Variants in SEMA6D observed in about 807,000 individuals in gnomAD.
SEMA6D encodes the protein semaphorin 6D, also known as semaphorin-6D.
A neutral mutation model predicts 106.6 loss-of-function variants in SEMA6D; 35 were observed. The ratio of observed to expected loss-of-function variants is 0.33; its 90% CI spans 0.25 to 0.44. The LOEUF is 0.44. Ranked by LOEUF, SEMA6D falls within the 20% of genes least tolerant of loss-of-function variation. The pLI is 1.00. For synonymous variants in SEMA6D, 499 were observed against 487.7 expected, an observed-to-expected ratio of 1.02 and a Z score of -0.31; for missense variants, 1,185 against 1,345.9, an observed-to-expected ratio of 0.88 and a Z score of 1.87.
At chr15:47,489,528 A>C (rs79114570) in intron 3 of SEMA6D, among the ~76,000 whole-genome samples, 1 of 152,114 alleles carries the variant, frequency 6.6e-6, no homozygotes, top group South Asian at 2.1e-4. Flanking sequence ...AAAAATCCCT[A>C]TGCGTTTGTC....
intron 1 of SEMA6D, among the ~76,000 whole-genome samples, chr15:47,333,947 C>A (rs1403963069): frequency 6.6e-6 from 1 of 152,178 alleles, no homozygotes; most frequent in Non-Finnish European, 1.5e-5. Flanking sequence ...GGTCAAAAAA[C>A]CCTCATTCCA....
At chr15:47,250,508 T>G (rs2033459317) in intron 1 of SEMA6D, among the ~76,000 whole-genome samples, 1 of 152,162 alleles carries the variant, frequency 6.6e-6, no homozygotes, top group Admixed American at 6.5e-5. Flanking sequence ...CACCTTTGAT[T>G]GCTATTGTGG....
intron 3 of SEMA6D, among the ~76,000 whole-genome samples, chr15:47,490,679 C>T (rs1447538389): frequency 6.6e-6 from 1 of 152,040 alleles, no homozygotes; most frequent in East Asian, 1.9e-4. Context: ...AAGCTACAAA[C>T]TAGCGCAGCA....
At chr15:47,388,890 A>G (rs1017953322) in intron 1 of SEMA6D, among the ~76,000 whole-genome samples, 4 of 152,224 alleles carry the variant, frequency 2.6e-5, no homozygotes, top group African/African-American at 4.8e-5. Context: ...TTAATCAGTT[A>G]TAAAATCTTA....
chr15:47,746,984 GTATA>G (rs3985864), intron 1 of SEMA6D, among the ~76,000 whole-genome samples: 3 of 122,106 alleles, frequency 2.5e-5, no homozygotes, highest in South Asian at 2.8e-4. Flanking sequence ...GTGTGTGTGT[GTATA>G]TATATATATA....
chr15:47,552,468 ATGTGTG>A (rs141932315), intron 3 of SEMA6D, among the ~76,000 whole-genome samples: 18 of 145,584 alleles, frequency 1.2e-4, no homozygotes, highest in African/African-American at 4.5e-4. Context: ...ATGGCAATGT[ATGTGTG>A]TGTGTGTGTG....
intron 1 of SEMA6D, among the ~76,000 whole-genome samples, chr15:47,196,743 T>C (rs1353910328): frequency 6.6e-6 from 1 of 152,172 alleles, no homozygotes; most frequent in Non-Finnish European, 1.5e-5. Flanking sequence ...GTAAGATGAT[T>C]GGAAATTTCT....
At chr15:47,411,487 CT>C in intron 1 of SEMA6D, among the ~76,000 whole-genome samples, 1 of 152,290 alleles carries the variant, frequency 6.6e-6, no homozygotes, top group East Asian at 1.9e-4. Flanking sequence ...CAAAAAAATA[CT>C]TTAGCAGATG....
At chr15:47,587,715 T>A (rs1438715901) in intron 3 of SEMA6D, among the ~76,000 whole-genome samples, 1 of 152,196 alleles carries the variant, frequency 6.6e-6, no homozygotes, top group Non-Finnish European at 1.5e-5. Flanking sequence ...CCAGTAAAAC[T>A]TTATTTATAA....
rs1381286452 is a variant in SEMA6D, at chr15:47,277,613, T to TTTA, written c.-239+93209_-239+93211dup. On this transcript the variant is annotated intron_variant, in intron 1 of 19. Coordinates refer to the SEMA6D transcript ENST00000558014. The stretch of plus-strand genomic sequence containing the variant: ...ATTATTATTATTATTATTATTATTA[T>TTTA]TTATTATTATTATTATACTTTAAGT... 6.2e-4 allele frequency among the ~76,000 whole-genome samples: 80 copies of TTTA among 129,618 alleles called. No individual in the cohort carries two copies. The East Asian group carries it at 0.012, about 19-fold the overall frequency. The allele number at this position is 129,618 out of a possible 152,430, so 85.0% of individuals were successfully genotyped here.
chr15:47,284,206 A>T (rs990072486), intron 1 of SEMA6D, among the ~76,000 whole-genome samples: 1 of 152,220 alleles, frequency 6.6e-6, no homozygotes, highest in Non-Finnish European at 1.5e-5. Flanking sequence ...AGATGTGAAG[A>T]TGTTTGAACA....
intron 4 of SEMA6D, among the ~76,000 whole-genome samples, chr15:47,640,670 G>A (rs1203040464): frequency 2.0e-5 from 3 of 152,076 alleles, no homozygotes; most frequent in African/African-American, 7.2e-5. Flanking sequence ...TCTCTCTTAC[G>A]AACTGAGGGT....
At chr15:47,254,559 A>T (rs1357986003) in intron 1 of SEMA6D, among the ~76,000 whole-genome samples, 1 of 151,970 alleles carries the variant, frequency 6.6e-6, no homozygotes, top group East Asian at 1.9e-4. Context: ...TGTTTGTCAT[A>T]TGTGAACTTT....
chr15:47,556,923 T>G (rs1238120269), intron 3 of SEMA6D, among the ~76,000 whole-genome samples: 1 of 152,166 alleles, frequency 6.6e-6, no homozygotes, highest in African/African-American at 2.4e-5. Context: ...CTTATTGCTG[T>G]GTGACTCTGA....
At chr15:47,558,958 G>A (rs1487749828) in intron 3 of SEMA6D, among the ~76,000 whole-genome samples, 2 of 151,980 alleles carry the variant, frequency 1.3e-5, no homozygotes, top group African/African-American at 2.4e-5. Context: ...TTGGAGCAGC[G>A]ATGGGTTTGA....
intron 3 of SEMA6D, among the ~76,000 whole-genome samples, chr15:47,552,991 G>A (rs749527334): frequency 2.8e-5 from 4 of 142,904 alleles, no homozygotes; most frequent in Non-Finnish European, 4.5e-5. Context: ...TGCAACCTCC[G>A]CCTCATGGGT....
At chr15:47,262,751 G>A (rs2034136995) in intron 1 of SEMA6D, among the ~76,000 whole-genome samples, 1 of 152,006 alleles carries the variant, frequency 6.6e-6, no homozygotes, top group Non-Finnish European at 1.5e-5. Flanking sequence ...ACAATCCTAA[G>A]CAAAAAGAAC....
intron 1 of SEMA6D, among the ~76,000 whole-genome samples, chr15:47,307,471 T>C (rs1566987150): frequency 6.6e-6 from 1 of 152,156 alleles, no homozygotes; most frequent in Non-Finnish European, 1.5e-5. Flanking sequence ...GTCCTTCTTT[T>C]TTCAGGCCTA....
chr15:47,667,786 C>G (rs1373258840), intron 4 of SEMA6D, among the ~76,000 whole-genome samples: 1 of 152,130 alleles, frequency 6.6e-6, no homozygotes, highest in Admixed American at 6.5e-5. Flanking sequence ...CATTAAGGAT[C>G]AGATTTCGAC....
Sources: gnomAD v4.1 joint callset for allele counts (sites outside exome capture counted in the v4.1 genomes callset) on GRCh38, gnomAD v4.1.1 for gene constraint, MANE v1.5 for transcripts, NCBI Gene and HGNC (gene_info 2026-07-23, HGNC 2026-07-21) for gene names.